B3GAT2: variants seen among roughly 807,000 people sequenced by gnomAD.
B3GAT2 encodes the protein beta-1,3-glucuronyltransferase 2.
A neutral mutation model predicts 27.8 loss-of-function variants in B3GAT2; 26 were observed. The ratio of observed to expected loss-of-function variants is 0.93; its 90% confidence interval spans 0.68 to 1.30. The LOEUF (loss-of-function observed/expected upper bound fraction) is 1.30, where lower values mean the gene tolerates loss of function less well. B3GAT2 is among the 50% of genes most tolerant of loss of function. The pLI is 0.00. For synonymous variants in B3GAT2, 218 were observed against 195.1 expected (o/e 1.12, Z -0.98); for missense variants, 458 against 459.0 (o/e 1.00, Z 0.02).
At chr6:70,881,361 C>G (rs1022663253) in intron 2 of B3GAT2, among the ~76,000 whole-genome samples, 1 of 152,188 alleles carries the variant, frequency 6.6e-6, no homozygotes, top group African/African-American at 2.4e-5. Flanking sequence ...GATTCCTATA[C>G]TCTTTCAGTG....
intron 1 of B3GAT2, among the ~76,000 whole-genome samples, chr6:70,936,345 G>C (rs554651710): frequency 1.3e-4 from 20 of 152,016 alleles, no homozygotes; most frequent in South Asian, 1.3e-3. Flanking sequence ...ACAGATCAAC[G>C]AGACAGAAAG....
rs757160755 is a variant in B3GAT2, at chr6:70,856,952, G to C, written c.*4711C>G. The C allele has an allele frequency of 6.2e-7, 1 of 1,613,978 alleles. No individual in the cohort carries two copies. Among genetic ancestry groups the C allele is most frequent in the Non-Finnish European group, 8.5e-7 (1 of 1,179,884 alleles). On this transcript the variant is annotated 3_prime_UTR_variant, in exon 4 of 4. Transcript: ENST00000230053. Reference sequence around the variant, plus strand: ...TGAGCAAACTACAAAATCAGAAGAAGTGGCAAAGAAACAACTTTCCAAAGA... The same window carrying C: ...TGAGCAAACTACAAAATCAGAAGAACTGGCAAAGAAACAACTTTCCAAAGA...
intron 1 of B3GAT2, among the ~76,000 whole-genome samples, chr6:70,916,033 C>G (rs1772767516): frequency 6.6e-6 from 1 of 152,192 alleles, no homozygotes; most frequent in Admixed American, 6.5e-5. Flanking sequence ...TATCCATGAG[C>G]ATGGAATGTT....
intron 1 of B3GAT2, among the ~76,000 whole-genome samples, chr6:70,954,071 C>T (rs1382592612): frequency 1.3e-5 from 2 of 152,226 alleles, no homozygotes; most frequent in African/African-American, 4.8e-5. Flanking sequence ...TGTTCATTAA[C>T]AGTAATGTGC....
chr6:70,939,758 G>C (rs111906319), intron 1 of B3GAT2, among the ~76,000 whole-genome samples: 2 of 150,790 alleles, frequency 1.3e-5, no homozygotes, highest in East Asian at 1.9e-4. Context: ...GTGGGGGTTG[G>C]GGGGAGGGAT....
At chr6:70,893,558 C>T (rs1444354577) in intron 2 of B3GAT2, among the ~76,000 whole-genome samples, 1 of 151,978 alleles carries the variant, frequency 6.6e-6, no homozygotes, top group African/African-American at 2.4e-5. Context: ...TAATTCAATT[C>T]AGTTGGTTGT....
intron 2 of B3GAT2, among the ~76,000 whole-genome samples, chr6:70,891,756 G>C (rs1772292676): frequency 6.9e-6 from 1 of 145,406 alleles, no homozygotes; most frequent in African/African-American, 2.5e-5. Flanking sequence ...GATTGTGTGT[G>C]TGTGTGTGTG....
At position 70,857,186 on chromosome 6, in the gene B3GAT2, T is replaced by C; in HGVS notation, c.*4477A>G. 1 of 665,582 alleles carries C rather than the reference T, an allele frequency of 1.5e-6. No individual in the cohort carries two copies. Among genetic ancestry groups the C allele is most frequent in the Non-Finnish European group, 2.2e-6 (1 of 445,838 alleles). The allele number at this position is 665,582 out of a possible 1,614,324, so 41.2% of individuals were successfully genotyped here. On this transcript the variant is annotated 3_prime_UTR_variant, in exon 4 of 4. Transcript: ENST00000230053. The stretch of plus-strand genomic sequence containing the variant: ...CTATGAAGCCGAAATGAATGAGCAT[T>C]AGAATTAAAAAATTAAGAGGCATGT...
intron 1 of B3GAT2, 73 bp from the exon 2 acceptor site, chr6:70,894,345 TAGA>T (rs1772343686): frequency 7.0e-7 from 1 of 1,437,344 alleles, no homozygotes. Flanking sequence ...GTGATCTATG[TAGA>T]AGAAGTAGGG....
intron 1 of B3GAT2, among the ~76,000 whole-genome samples, chr6:70,910,728 T>G (rs1404021080): frequency 1.3e-5 from 2 of 152,170 alleles, no homozygotes; most frequent in African/African-American, 4.8e-5. Flanking sequence ...AGTTCTGTTT[T>G]AAGTACTTTG....
At chr6:70,884,916 C>T (rs1772160136) in intron 2 of B3GAT2, among the ~76,000 whole-genome samples, 1 of 152,212 alleles carries the variant, frequency 6.6e-6, no homozygotes, top group Admixed American at 6.5e-5. Context: ...GGAAGAATGC[C>T]TGCAAGGCTT....
Position 70,956,147 on chromosome 6 carries a change from T to C in B3GAT2, c.283A>G (p.Lys95Glu). The change falls in exon 1 of 4, where the codon AAA becomes GAA. Residue 95 changes from lysine to glutamate, a missense_variant. Lys to Glu is a moderately conservative substitution (Grantham distance 56). Coordinates refer to ENST00000230053, the MANE Select transcript of B3GAT2 (RefSeq NM_080742.3). ...TTGGCCAGGCGGGTCAGCTCCGCTT[T>C]CTGCACCGGGCGGCTGTAGGTGGGC... ...ITPTYSRPVQ[K>E]AELTRLANTF... 1 of 1,607,056 alleles carries C rather than the reference T, an allele frequency of 6.2e-7. No homozygotes were observed. Among genetic ancestry groups the C allele is most frequent in the East Asian group, 2.2e-5 (1 of 44,742 alleles).
chr6:70,935,064 T>C (rs751997335), intron 1 of B3GAT2, among the ~76,000 whole-genome samples: 4 of 152,056 alleles, frequency 2.6e-5, no homozygotes, highest in Non-Finnish European at 5.9e-5. Flanking sequence ...ATATGTGTAA[T>C]AGGGAGATGA....
chr6:70,921,499 T>A (rs565171996), intron 1 of B3GAT2, among the ~76,000 whole-genome samples: 1 of 152,216 alleles, frequency 6.6e-6, no homozygotes, highest in Non-Finnish European at 1.5e-5. Context: ...TCATCTCTTG[T>A]ATTGTTTTAT....
chr6:70,863,498 A>G (rs1166434224), intron 2 of B3GAT2, among the ~76,000 whole-genome samples: 2 of 152,108 alleles, frequency 1.3e-5, no homozygotes, highest in Non-Finnish European at 2.9e-5. Context: ...ACCAACCCTA[A>G]AGGGAGGGAG....
intron 1 of B3GAT2, among the ~76,000 whole-genome samples, chr6:70,924,721 G>C (rs1772925377): frequency 6.6e-6 from 1 of 152,130 alleles, no homozygotes; most frequent in African/African-American, 2.4e-5. Flanking sequence ...CCTGGGATTG[G>C]GTCAAGCTAA....
intron 1 of B3GAT2, among the ~76,000 whole-genome samples, chr6:70,916,802 AT>A (rs1043887310): frequency 1.5e-4 from 22 of 150,636 alleles, no homozygotes; most frequent in Admixed American, 2.0e-4. Flanking sequence ...GTTTGCCAGT[AT>A]TTTTTTTTGA....
chr6:70,936,572 T>C (rs1433362680), intron 1 of B3GAT2, among the ~76,000 whole-genome samples: 9 of 151,922 alleles, frequency 5.9e-5, no homozygotes, highest in African/African-American at 2.4e-5. Flanking sequence ...CACAGTGCAA[T>C]CAAACTAGAA....
At chr6:70,868,716 CT>C (rs1771889700) in intron 2 of B3GAT2, among the ~76,000 whole-genome samples, 3 of 152,120 alleles carry the variant, frequency 2.0e-5, no homozygotes, top group Non-Finnish European at 2.9e-5. Flanking sequence ...AAAAGCCTCT[CT>C]TTCCCCCCCC....
Sources: allele counts gnomAD v4.1 joint callset (sites outside exome capture counted in the v4.1 genomes callset), GRCh38; gene constraint gnomAD v4.1.1; transcripts MANE v1.5; gene names NCBI Gene and HGNC (gene_info 2026-07-23, HGNC 2026-07-21).